Variants in SMAD2 observed in about 807,000 individuals in gnomAD.
The protein encoded by SMAD2 is SMAD family member 2, also known as MAD homolog 2.
Under a neutral mutation model 64.4 loss-of-function variants are expected in SMAD2, and 8 were observed. That is an observed-to-expected ratio of 0.12 (90% CI 0.07 to 0.22). The LOEUF (loss-of-function observed/expected upper bound fraction) is 0.22. Ranked by LOEUF, SMAD2 falls within the 10% of genes least tolerant of loss-of-function variation. The probability of loss-of-function intolerance (pLI) is 1.00; values close to 1 mark genes in which losing one functional copy is unlikely to be tolerated. For synonymous variants in SMAD2, 203 were observed against 195.8 expected (o/e 1.04, Z -0.31); for missense variants, 289 against 561.2 (o/e 0.51, Z 4.90).
At chr18:47,870,617 T>C in intron 2 of SMAD2, 53 bp from the exon 3 acceptor site, 1 of 1,084,870 alleles carries the variant, frequency 9.2e-7, no homozygotes, top group Non-Finnish European at 1.4e-6. Flanking sequence ...AGCATGGTTA[T>C]TCAAAATACC....
chr18:47,849,165 T>C (rs1914832201), intron 7 of SMAD2, among the ~76,000 whole-genome samples: 1 of 152,260 alleles, frequency 6.6e-6, no homozygotes, highest in South Asian at 2.1e-4. Context: ...TTTTTGACAT[T>C]TGTCTATTTT....
intron 1 of SMAD2, among the ~76,000 whole-genome samples, chr18:47,897,195 A>C (rs1568095220): frequency 6.6e-6 from 1 of 152,202 alleles, no homozygotes. Context: ...AATACATTGA[A>C]AATTTGTAAG....
chr18:47,854,663 T>C (rs2030496927), intron 6 of SMAD2, among the ~76,000 whole-genome samples: 2 of 152,176 alleles, frequency 1.3e-5, no homozygotes, highest in African/African-American at 2.4e-5. Flanking sequence ...AAAAATCTGT[T>C]ATATCTTTTA....
intron 2 of SMAD2, among the ~76,000 whole-genome samples, chr18:47,873,787 C>T (rs1429541258): frequency 6.6e-6 from 1 of 152,218 alleles, no homozygotes; most frequent in Non-Finnish European, 1.5e-5. Context: ...AGCTGCATTT[C>T]TGTGGCTGTG....
chr18:47,898,914 C>T (rs2033561795), intron 1 of SMAD2, among the ~76,000 whole-genome samples: 1 of 150,888 alleles, frequency 6.6e-6, no homozygotes, highest in Admixed American at 6.6e-5. Context: ...GTCTATTGTG[C>T]CTGTATTTAC....
chr18:47,844,613 C>T (rs1598745139), intron 10 of SMAD2, among the ~76,000 whole-genome samples: 2 of 152,266 alleles, frequency 1.3e-5, no homozygotes. Context: ...AACTATCTTC[C>T]AGTCCCATCT....
At position 47,833,281 on chromosome 18, in the gene SMAD2, T is replaced by G. The variant is rs1913091105; in HGVS notation, c.*8546A>C. On this transcript the variant is annotated 3_prime_UTR_variant, in exon 11 of 11. Transcript: ENST00000262160. ...ACAGGACATGTAAGCAATGTTTTCT[T>G]AAGCAGAACTTTTTTTGTACTTTAA... The G allele has an allele frequency of 4.6e-6, 1 of 217,228 alleles. No individual in the cohort carries two copies. The highest frequency in any genetic ancestry group is 2.2e-5 in the African/African-American group (1 of 44,468). The allele number at this position is 217,228 out of a possible 1,614,324, so 13.5% of individuals were successfully genotyped here. A position where few individuals can be genotyped will look rare whatever the true frequency, so the allele number is the denominator to read the frequency against.
At chr18:47,927,367 G>A (rs1031522711) in intron 1 of SMAD2, among the ~76,000 whole-genome samples, 8 of 152,174 alleles carry the variant, frequency 5.3e-5, no homozygotes, top group Admixed American at 4.6e-4. Flanking sequence ...GTTACAGGAA[G>A]CAAGGCAAGC....
In SMAD2 at chr18:47,869,246, G is replaced by C. The variant is rs1404671002; in HGVS notation, c.517C>G (p.Pro173Ala). The change falls in exon 4 of 11, where the codon CCA (proline) becomes GCA (alanine). Residue 173 changes from proline (P) to alanine (A), a missense_variant. By Grantham distance (27) the Pro-to-Ala change is conservative. Transcript: ENST00000262160. ...NPYHYQRVETPVLPPVLVPRH... is the reference protein window; with the variant it reads ...NPYHYQRVETAVLPPVLVPRH... ...AAAAAACTTGCAATATTCCTACCTG[G>C]TGTCTCAACTCTCTGATAGTGGTAA... 6.2e-7 allele frequency: 1 copy of C among 1,610,124 alleles called. No homozygotes were observed. The highest frequency in any genetic ancestry group is 8.5e-7 in the Non-Finnish European group (1 of 1,176,752).
Position 47,835,566 on chromosome 18 carries a change from A to G in SMAD2, c.*6261T>C, listed in dbSNP as rs1913338644. 1 of 193,280 alleles carries G rather than the reference A, an allele frequency of 5.2e-6. No homozygotes were observed. Among genetic ancestry groups the G allele is most frequent in the African/African-American group, 2.3e-5 (1 of 43,158 alleles). The allele number at this position is 193,280 out of a possible 1,614,324, so 12.0% of individuals were successfully genotyped here. ...GAGACTTAGTAAAATTTCTATTGCT[A>G]CAGACAAATGCTAAAAACCAGCTTT... On this transcript the variant is annotated 3_prime_UTR_variant, in exon 11 of 11. Transcript: ENST00000262160.
rs1189266573 is a variant in SMAD2, at chr18:47,817,578, G to C, written c.*24249C>G. 2 of 152,764 alleles carry C rather than the reference G, an allele frequency of 1.3e-5. No homozygotes were observed. Among genetic ancestry groups the C allele is most frequent in the African/African-American group, 4.8e-5 (2 of 41,472 alleles). 9.5% of individuals were successfully genotyped at this position (152,764 alleles called of 1,614,324 possible). A position where few individuals can be genotyped will look rare whatever the true frequency, so the allele number is the denominator to read the frequency against. On this transcript the variant is annotated 3_prime_UTR_variant, in exon 11 of 11. Transcript: ENST00000262160. ...GGCCTCCCAAAGTGCTGGGATTACA[G>C]GCATGGGCCACTGCGCCTGGCTGAG...
chr18:47,896,371 C>G (rs1298093954), intron 2 of SMAD2, 150 bp downstream of exon 2: 1 of 760,448 alleles, frequency 1.3e-6, no homozygotes, highest in Non-Finnish European at 2.2e-6. Flanking sequence ...TAAAACAAGT[C>G]AGCTAGCAAA....
At position 47,817,858 on chromosome 18, in the gene SMAD2, A is replaced by G. The variant is rs1011219508; in HGVS notation, c.*23969T>C. 1 of 152,232 alleles carries G rather than the reference A, an allele frequency of 6.6e-6. No individual in the cohort carries two copies. Among genetic ancestry groups the G allele is most frequent in the Non-Finnish European group, 1.5e-5 (1 of 68,048 alleles). 9.4% of individuals were successfully genotyped at this position (152,232 alleles called of 1,614,324 possible). A position where few individuals can be genotyped will look rare whatever the true frequency, so the allele number is the denominator to read the frequency against. On this transcript the variant is annotated 3_prime_UTR_variant, in exon 11 of 11. Coordinates refer to ENST00000262160, the MANE Select transcript of SMAD2 (RefSeq NM_005901.6). ...TTTTAAAGCCACTAGGGCAATCGCCACCAGTTAAAACACTGGTCCAAACAC... is the reference window on the plus strand; with the variant it reads ...TTTTAAAGCCACTAGGGCAATCGCCGCCAGTTAAAACACTGGTCCAAACAC...
chr18:47,920,327 T>C (rs1465297145), intron 1 of SMAD2, among the ~76,000 whole-genome samples: 1 of 152,252 alleles, frequency 6.6e-6, no homozygotes, highest in Non-Finnish European at 1.5e-5. Context: ...AATTTAATAA[T>C]TTTATTAATC....
intron 8 of SMAD2, 95 bp downstream of exon 8, chr18:47,848,380 T>C: frequency 1.0e-6 from 1 of 952,898 alleles, no homozygotes; most frequent in Non-Finnish European, 1.7e-6. Context: ...AAAGCTGGTT[T>C]TACTGCACAC....
At position 47,917,279 on chromosome 18, in the gene SMAD2, TA is replaced by T. The variant is rs2034375462; in HGVS notation, c.-54+13081del. On this transcript the variant is annotated intron_variant, in intron 1 of 10. Transcript: ENST00000262160. ...CTACTACGATTATAGATTTGATTTA[TA>T]CCTGTAATTCTTCCAATTTTACCTT... 2.0e-5 allele frequency among the ~76,000 whole-genome samples: 3 copies of T among 152,370 alleles called. 1 individual carries two copies. The highest frequency in any genetic ancestry group is 3.4e-3 in the Middle Eastern group (1 of 294).
At chr18:47,911,085 C>T (rs1157386269) in intron 1 of SMAD2, among the ~76,000 whole-genome samples, 2 of 151,920 alleles carry the variant, frequency 1.3e-5, no homozygotes, top group African/African-American at 4.9e-5. Context: ...GGCGTGGTGG[C>T]TCACGCCTGT....
chr18:47,826,966 C>G lies in SMAD2; in HGVS notation c.*14861G>C, dbSNP rs1212943700. 6.6e-6 allele frequency: 1 copy of G among 152,124 alleles called. No homozygotes were observed. The highest frequency in any genetic ancestry group is 1.5e-5 in the Non-Finnish European group (1 of 68,030). 9.4% of individuals were successfully genotyped at this position (152,124 alleles called of 1,614,324 possible). ...TTAGGGAACTGGAGGAAATGAAGAA[C>G]TTTAAGGTAGACTGATGAAAAGATT... On this transcript the variant is annotated 3_prime_UTR_variant, in exon 11 of 11. Coordinates refer to ENST00000262160, the MANE Select transcript of SMAD2 (RefSeq NM_005901.6).
intron 6 of SMAD2, among the ~76,000 whole-genome samples, chr18:47,854,421 T>C (rs1156725894): frequency 2.0e-5 from 3 of 152,250 alleles, no homozygotes; most frequent in Non-Finnish European, 4.4e-5. Flanking sequence ...TAAGAATTTA[T>C]AAGCTAGTGT....
Sources: gnomAD v4.1 joint callset for allele counts (sites outside exome capture counted in the v4.1 genomes callset) on GRCh38, gnomAD v4.1.1 for gene constraint, MANE v1.5 for transcripts, NCBI Gene and HGNC (gene_info 2026-07-23, HGNC 2026-07-21) for gene names.